PLAAT1: variants seen among roughly 807,000 people sequenced by gnomAD.
The protein encoded by PLAAT1 is phospholipase A and acyltransferase 1.
A neutral mutation model predicts 16.4 loss-of-function variants in PLAAT1; 13 were observed. That is an observed-to-expected ratio of 0.79 (90% confidence interval 0.52 to 1.26). The LOEUF is 1.26. Among genes scored for constraint, PLAAT1 ranks in the 50% most tolerant of loss-of-function variants. PLAAT1 has a pLI of 0.00. For synonymous variants in PLAAT1, 73 were observed against 78.4 expected (o/e 0.93, Z 0.36); for missense variants, 218 against 207.8 (o/e 1.05, Z -0.30).
At chr3:193,279,941 G>A (rs9825451), downstream of PLAAT1, among the ~76,000 whole-genome samples, 200 of 137,204 alleles carry the variant, frequency 1.5e-3, 2 homozygotes, top group African/African-American at 5.5e-3. Flanking sequence ...CAGCTTCCAC[G>A]GAGGCCCAAC....
downstream of PLAAT1, chr3:193,279,445 G>T: frequency 6.2e-7 from 1 of 1,612,928 alleles, no homozygotes; most frequent in Non-Finnish European, 8.5e-7. Context: ...CAGCAGAAAT[G>T]AAAATATATC....
downstream of PLAAT1, chr3:193,279,252 C>A (rs575424519): frequency 1.4e-5 from 11 of 787,350 alleles, no homozygotes; most frequent in East Asian, 7.7e-5. Context: ...ATAGAAATAG[C>A]CTCACAGTAT....
downstream of PLAAT1, among the ~76,000 whole-genome samples, chr3:193,271,269 G>C (rs1284316639): frequency 6.6e-6 from 1 of 152,148 alleles, no homozygotes; most frequent in Non-Finnish European, 1.5e-5. Flanking sequence ...GTTTGCTCCA[G>C]GGTTTCAGTT....
At chr3:193,260,820 A>G (rs929697919) in intron 2 of PLAAT1, among the ~76,000 whole-genome samples, 1 of 152,240 alleles carries the variant, frequency 6.6e-6, no homozygotes, top group Non-Finnish European at 1.5e-5. Flanking sequence ...GAGAACTACC[A>G]TTTGATCCAG....
downstream of PLAAT1, among the ~76,000 whole-genome samples, chr3:193,280,229 A>G (rs1717423760): frequency 6.6e-6 from 1 of 151,566 alleles, no homozygotes. Context: ...TTTTTTTTGT[A>G]TTTTCCATAG....
downstream of PLAAT1, among the ~76,000 whole-genome samples, chr3:193,278,714 A>T (rs113531132): frequency 6.6e-6 from 1 of 152,056 alleles, no homozygotes; most frequent in African/African-American, 2.4e-5. Flanking sequence ...TCCTTCTTCT[A>T]TGTTCTTCCC....
At position 193,270,788 on chromosome 3, in the gene PLAAT1, C is replaced by T. The variant is rs2108805498; in HGVS notation, c.*83C>T. 1.3e-6 allele frequency: 2 copies of T among 1,503,540 alleles called. No homozygotes were observed. The highest frequency in any genetic ancestry group is 4.7e-5 in the East Asian group (2 of 42,302). The allele number at this position is 1,503,540 out of a possible 1,614,324, so 93.1% of individuals were successfully genotyped here. A position where few individuals can be genotyped will look rare whatever the true frequency, so the allele number is the denominator to read the frequency against. On this transcript the variant is annotated 3_prime_UTR_variant, in exon 4 of 4. Transcript: ENST00000264735. ...GGGTGAATACTTATTTTCAGTGCAT[C>T]ATTACTGTTCCAGATTCCTATGATG...
At chr3:193,244,418 CTG>C (rs1391656057) in intron 1 of PLAAT1, among the ~76,000 whole-genome samples, 2 of 151,536 alleles carry the variant, frequency 1.3e-5, no homozygotes, top group African/African-American at 2.4e-5. Context: ...GATGTTGTCA[CTG>C]TTTTTTATTT....
At chr3:193,251,327 G>C (rs1396499027) in intron 1 of PLAAT1, among the ~76,000 whole-genome samples, 1 of 152,166 alleles carries the variant, frequency 6.6e-6, no homozygotes, top group African/African-American at 2.4e-5. Context: ...TGTTGTCCTT[G>C]TTTAGGCTTG....
At chr3:193,266,541 A>G (rs1716782413) in intron 3 of PLAAT1, among the ~76,000 whole-genome samples, 1 of 152,096 alleles carries the variant, frequency 6.6e-6, no homozygotes, top group Non-Finnish European at 1.5e-5. Context: ...TTAAGAGTCT[A>G]CCTAAGCTTT....
downstream of PLAAT1, among the ~76,000 whole-genome samples, chr3:193,280,003 A>AAT (rs1553808806): frequency 6.8e-6 from 1 of 147,732 alleles, no homozygotes; most frequent in East Asian, 2.0e-4. Flanking sequence ...AAAAAAAAAA[A>AAT]GCCCTGTGTA....
At chr3:193,248,680 G>C (rs1309157004) in intron 1 of PLAAT1, among the ~76,000 whole-genome samples, 1 of 151,996 alleles carries the variant, frequency 6.6e-6, no homozygotes, top group Non-Finnish European at 1.5e-5. Flanking sequence ...TTGATCACTT[G>C]TACAAACTCT....
chr3:193,243,043 C>CA (rs1433726251), intron 1 of PLAAT1, among the ~76,000 whole-genome samples: 1 of 152,196 alleles, frequency 6.6e-6, no homozygotes, highest in East Asian at 1.9e-4. Flanking sequence ...GATGCATCCC[C>CA]AGGGACCAAC....
chr3:193,279,976 TAAA>T (rs57617984), downstream of PLAAT1, among the ~76,000 whole-genome samples: 13 of 59,898 alleles, frequency 2.2e-4, no homozygotes, highest in African/African-American at 6.2e-4. Flanking sequence ...GTGTCTTTGT[TAAA>T]AAAAAAAAAA....
chr3:193,273,607 A>T (rs1216821724), downstream of PLAAT1, among the ~76,000 whole-genome samples: 2 of 152,230 alleles, frequency 1.3e-5, no homozygotes, highest in African/African-American at 4.8e-5. Context: ...AAACTGGTTA[A>T]CTAATTGCCT....
At chr3:193,257,870 G>T (rs191316108) in intron 2 of PLAAT1, among the ~76,000 whole-genome samples, 1 of 152,294 alleles carries the variant, frequency 6.6e-6, no homozygotes, top group African/African-American at 2.4e-5. Context: ...CATGCTGGAT[G>T]CTTCCTGCCC....
chr3:193,260,618 G>A lies in PLAAT1; in HGVS notation c.140-2352G>A, dbSNP rs142152966. Among the ~76,000 whole-genome samples the A allele has an allele frequency of 9.4e-4, 143 of 151,884 alleles. 1 individual carries two copies. Among genetic ancestry groups the A allele is most frequent in the African/African-American group, 3.3e-3 (138 of 41,416 alleles). On this transcript the variant is annotated intron_variant, in intron 2 of 3. Transcript: ENST00000264735. Reference sequence around the variant, plus strand: ...ACAATGCTCATCATCACTAATCATAGAAATGCAAATCAAAACCACAATGAG... The same window carrying A: ...ACAATGCTCATCATCACTAATCATAAAAATGCAAATCAAAACCACAATGAG...
At position 193,270,735 on chromosome 3, in the gene PLAAT1, G is replaced by T. The variant is rs776354612; in HGVS notation, c.*30G>T. The T allele has an allele frequency of 6.2e-7, 1 of 1,601,162 alleles. No homozygotes were observed. The highest frequency in any genetic ancestry group is 8.5e-7 in the Non-Finnish European group (1 of 1,173,006). ...TTACCAAAGAGATATTGATATTGAA[G>T]GAATTTGGGAGGAGGAAAAGAAACC... On this transcript the variant is annotated 3_prime_UTR_variant, in exon 4 of 4. Coordinates refer to ENST00000264735, the MANE Select transcript of PLAAT1 (RefSeq NM_020386.5).
At chr3:193,242,247 A>G (rs1361135263) in intron 1 of PLAAT1, among the ~76,000 whole-genome samples, 3 of 152,094 alleles carry the variant, frequency 2.0e-5, no homozygotes, top group African/African-American at 7.2e-5. Context: ...AAAAACAAGA[A>G]GCATCCCTCC....
Sources: gnomAD v4.1 joint callset for allele counts (sites outside exome capture counted in the v4.1 genomes callset) on GRCh38, gnomAD v4.1.1 for gene constraint, MANE v1.5 for transcripts, NCBI Gene and HGNC (gene_info 2026-07-23, HGNC 2026-07-21) for gene names.